The following REEP1 variants were observed in gnomAD, a reference collection of about 807,000 sequenced individuals.
REEP1 encodes the protein receptor accessory protein 1.
A neutral mutation model predicts 40.3 loss-of-function variants in REEP1; 22 were observed. The observed-to-expected ratio is 0.55, with a 90% confidence interval of 0.39 to 0.78. REEP1 has a LOEUF of 0.78. Ranked by LOEUF, REEP1 falls within the 30% of genes least tolerant of loss-of-function variation. The pLI, the probability that REEP1 is intolerant of heterozygous loss-of-function variation, is 0.00. For missense variants in REEP1, 280 were observed against 361.1 expected (o/e 0.78, Z 1.82); for synonymous variants, 116 against 139.2 (o/e 0.83, Z 1.17).
chr2:86,316,132 C>T (rs1448207965), intron 1 of REEP1, among the ~76,000 whole-genome samples: 1 of 152,186 alleles, frequency 6.6e-6, no homozygotes, highest in Non-Finnish European at 1.5e-5. Flanking sequence ...CAGATCAAGC[C>T]TCACTTGAAA....
rs1319757123 is a variant in REEP1, at chr2:86,214,881, A to G, written c.*2158T>C. On this transcript the variant is annotated 3_prime_UTR_variant, in exon 9 of 9. Coordinates refer to ENST00000538924, the MANE Select transcript of REEP1 (RefSeq NM_001371279.1). ...AACTTTTTTTGGCATAGTTAAGTGC[A>G]AACTTGATAACCTGTACTTGTCACA... 1 of 152,628 alleles carries G rather than the reference A, an allele frequency of 6.6e-6. No homozygotes were observed. The highest frequency in any genetic ancestry group is 2.4e-5 in the African/African-American group (1 of 41,456). The allele number at this position is 152,628 out of a possible 1,614,324, so 9.5% of individuals were successfully genotyped here.
At chr2:86,333,094 A>C (rs1009990086) in intron 1 of REEP1, among the ~76,000 whole-genome samples, 3 of 152,246 alleles carry the variant, frequency 2.0e-5, no homozygotes, top group Admixed American at 1.3e-4. Flanking sequence ...ACAGTGTACT[A>C]CAGCACAGTG....
chr2:86,284,564 C>T (rs1678287464), intron 1 of REEP1, among the ~76,000 whole-genome samples: 1 of 152,202 alleles, frequency 6.6e-6, no homozygotes, highest in South Asian at 2.1e-4. Flanking sequence ...AGCAAAGCCT[C>T]GGGCACAACG....
intron 2 of REEP1, among the ~76,000 whole-genome samples, chr2:86,278,887 C>A (rs1288005264): frequency 1.3e-5 from 2 of 152,316 alleles, no homozygotes; most frequent in East Asian, 3.9e-4. Context: ...CCCGTAAATT[C>A]CTTTCTGTTT....
chr2:86,220,184 G>A, intron 7 of REEP1, 63 bp from the exon 8 acceptor site: 10 of 1,162,914 alleles, frequency 8.6e-6, no homozygotes, highest in Non-Finnish European at 9.7e-6. Flanking sequence ...ATCAGTGCAG[G>A]GAGCAGGGAA....
At chr2:86,255,587 G>C (rs1465530286) in intron 3 of REEP1, among the ~76,000 whole-genome samples, 3 of 152,160 alleles carry the variant, frequency 2.0e-5, no homozygotes, top group African/African-American at 7.2e-5. Flanking sequence ...AGGAGGTACA[G>C]GGAGGCAACG....
chr2:86,302,984 G>A (rs1195395336), intron 1 of REEP1, among the ~76,000 whole-genome samples: 5 of 152,258 alleles, frequency 3.3e-5, no homozygotes, highest in Non-Finnish European at 7.4e-5. Context: ...GTCCACTCGA[G>A]CAGATCATCA....
In REEP1 at chr2:86,335,178, T is replaced by C. The variant is rs568041600; in HGVS notation, c.32+2301A>G. ...TGCCCTCCATCATTATTATTAGTTA[T>C]CTCTGTGTGGTGGAAATGTGGATGA... On this transcript the variant is annotated intron_variant, in intron 1 of 8. Coordinates refer to ENST00000538924, the MANE Select transcript of REEP1 (RefSeq NM_001371279.1). Among the ~76,000 whole-genome samples, 29 of 152,338 alleles carry C rather than the reference T, an allele frequency of 1.9e-4. No homozygotes were observed. The South Asian group carries it at 5.6e-3, about 29-fold the overall frequency.
At chr2:86,307,168 T>G (rs1018416303) in intron 1 of REEP1, among the ~76,000 whole-genome samples, 1 of 150,362 alleles carries the variant, frequency 6.7e-6, no homozygotes, top group Non-Finnish European at 1.5e-5. Context: ...CACGCCATTG[T>G]ACTCCAGCCT....
At position 86,267,069 on chromosome 2, in the gene REEP1, G is replaced by C. The variant is rs550941392; in HGVS notation, c.106-3028C>G. Reference sequence around the variant, plus strand: ...AAAATTTACTGGGAGGCCAAGATGAGAGAATTGCTTGAGGCCAGGAATTTG... The same window carrying C: ...AAAATTTACTGGGAGGCCAAGATGACAGAATTGCTTGAGGCCAGGAATTTG... On this transcript the variant is annotated intron_variant, in intron 2 of 8. Transcript: ENST00000538924. Among the ~76,000 whole-genome samples, 17 of 152,070 alleles carry C rather than the reference G, an allele frequency of 1.1e-4. No individual in the cohort carries two copies. In the South Asian group the frequency reaches 2.7e-3, roughly 24 times the overall value.
chr2:86,335,613 G>A (rs1680983027), intron 1 of REEP1, among the ~76,000 whole-genome samples: 1 of 152,180 alleles, frequency 6.6e-6, no homozygotes, highest in Admixed American at 6.5e-5. Context: ...AACTTTGGGA[G>A]GCCGAAGCGG....
rs1258375313 is a variant in REEP1 at position 86,229,337 on chromosome 2, C to T, written c.596-1939G>A. On this transcript the variant is annotated intron_variant, in intron 6 of 8. Coordinates refer to ENST00000538924, the MANE Select transcript of REEP1 (RefSeq NM_001371279.1). ...GCTGCATTTGCTGTGTCTGCACAGGCCCGGCATCACCCAGCCAGGATGAAG... is the reference window on the plus strand; with the variant it reads ...GCTGCATTTGCTGTGTCTGCACAGGTCCGGCATCACCCAGCCAGGATGAAG... Among the ~76,000 whole-genome samples the T allele has an allele frequency of 4.6e-5, 7 of 152,178 alleles. No individual in the cohort carries two copies. In the East Asian group the frequency reaches 1.3e-3, roughly 29 times the overall value.
intron 1 of REEP1, among the ~76,000 whole-genome samples, chr2:86,321,598 A>T (rs942891179): frequency 6.6e-6 from 1 of 152,234 alleles, no homozygotes; most frequent in Non-Finnish European, 1.5e-5. Context: ...TAGAAAAAAG[A>T]AAAAACAACT....
At chr2:86,219,430 TCTC>T (rs1156288290) in intron 8 of REEP1, among the ~76,000 whole-genome samples, 1 of 150,412 alleles carries the variant, frequency 6.6e-6, no homozygotes, top group East Asian at 2.0e-4. Flanking sequence ...ACTTTACCAC[TCTC>T]CTATTTGTTT....
chr2:86,275,228 G>A (rs1677693923), intron 2 of REEP1, among the ~76,000 whole-genome samples: 1 of 150,550 alleles, frequency 6.6e-6, no homozygotes, highest in African/African-American at 2.5e-5. Flanking sequence ...GTGACCCTAG[G>A]AGAGCGGGAA....
chr2:86,236,197 C>T (rs1675312797), intron 5 of REEP1, among the ~76,000 whole-genome samples: 1 of 148,866 alleles, frequency 6.7e-6, no homozygotes, highest in African/African-American at 2.5e-5. Flanking sequence ...GCCTGGGCAA[C>T]AAGAGCAAAA....
At chr2:86,326,723 T>A (rs7604838) in intron 1 of REEP1, among the ~76,000 whole-genome samples, 2,891 of 146,334 alleles carry the variant, frequency 0.02, 98 homozygotes, top group African/African-American at 0.069. Flanking sequence ...AAAAAAAAAA[T>A]AAAAAATAAA....
chr2:86,301,364 G>A (rs1333269784), intron 1 of REEP1, among the ~76,000 whole-genome samples: 1 of 152,238 alleles, frequency 6.6e-6, no homozygotes, highest in Non-Finnish European at 1.5e-5. Context: ...TGCATACCGG[G>A]CAGGGCATGG....
At chr2:86,230,707 C>A (rs996209173) in intron 6 of REEP1, among the ~76,000 whole-genome samples, 1 of 152,234 alleles carries the variant, frequency 6.6e-6, no homozygotes, top group Non-Finnish European at 1.5e-5. Flanking sequence ...TTTCACATGG[C>A]TGGTTTCATT....
Sources: gnomAD v4.1 joint callset for allele counts (sites outside exome capture counted in the v4.1 genomes callset) on GRCh38, gnomAD v4.1.1 for gene constraint, MANE v1.5 for transcripts, NCBI Gene and HGNC (gene_info 2026-07-23, HGNC 2026-07-21) for gene names.